The following CYP4F3 variants were observed in gnomAD, a reference collection of about 807,000 sequenced individuals.
CYP4F3 encodes cytochrome P450 family 4 subfamily F member 3.
A neutral mutation model predicts 54.8 loss-of-function variants in CYP4F3; 50 were observed. The ratio of observed to expected loss-of-function variants is 0.91; its 90% confidence interval spans 0.73 to 1.16. The LOEUF (loss-of-function observed/expected upper bound fraction) is 1.16. CYP4F3 is among the 50% of genes most tolerant of loss of function. The probability of loss-of-function intolerance (pLI) is 0.00; values close to 1 mark genes in which losing one functional copy is unlikely to be tolerated. For missense variants in CYP4F3, 715 were observed against 676.2 expected (o/e 1.06, Z -0.64); for synonymous variants, 244 against 262.6 (o/e 0.93, Z 0.69).
Position 15,662,535 on chromosome 19 carries a change from G to A in CYP4F3, c.*3150G>A, listed in dbSNP as rs920029420. ...TTTTTGGCTATTCTGCTTCCTTTGT[G>A]TTTCTATGTAAATTTTATCATCAGT... On this transcript the variant is annotated 3_prime_UTR_variant, in exon 13 of 13. Transcript: ENST00000221307. The A allele has an allele frequency of 1.7e-4, 26 of 151,882 alleles. No homozygotes were observed. The highest frequency in any genetic ancestry group is 5.6e-4 in the African/African-American group (23 of 41,316). 9.4% of individuals were successfully genotyped at this position (151,882 alleles called of 1,614,324 possible).
At chr19:15,652,058 T>TAGAG (rs28371482) in intron 7 of CYP4F3, among the ~76,000 whole-genome samples, 57 of 150,400 alleles carry the variant, frequency 3.8e-4, no homozygotes, top group Middle Eastern at 3.4e-3. Context: ...ACATTTTCTA[T>TAGAG]AGAGAGAGAG....
rs750182284 is a variant in CYP4F3 at position 15,643,925 on chromosome 19, G to A, written c.199-1794G>A. 581 of 1,599,378 alleles carry A rather than the reference G, an allele frequency of 3.6e-4. 1 individual carries two copies. Among genetic ancestry groups the A allele is most frequent in the Non-Finnish European group, 4.8e-4 (569 of 1,173,776 alleles). Reference sequence around the variant, plus strand: ...CTTGCAGGTCACCCCCACGGAGCAGGGCATGAGGGTCCTGACTCAGCTGGT... The same window carrying A: ...CTTGCAGGTCACCCCCACGGAGCAGAGCATGAGGGTCCTGACTCAGCTGGT... On this transcript the variant is annotated intron_variant, in intron 2 of 12. Transcript: ENST00000221307.
In CYP4F3 at chr19:15,649,289, C is replaced by T; in HGVS notation, c.647+8C>T. On this transcript the variant is annotated splice_region_variant and intron_variant, in intron 6 of 12. Coordinates refer to ENST00000221307, the MANE Select transcript of CYP4F3 (RefSeq NM_000896.3). ...TGACAGCCATTGCCAGGAGTAAGTT[C>T]TTGCCCAGGGTCTGGGATCCTGGGC... 3.1e-6 allele frequency: 5 copies of T among 1,612,668 alleles called. No individual in the cohort carries two copies. Among genetic ancestry groups the T allele is most frequent in the Non-Finnish European group, 4.2e-6 (5 of 1,179,040 alleles).
At chr19:15,658,601 A>C in intron 11 of CYP4F3, 46 bp downstream of exon 11, 5 of 1,612,398 alleles carry the variant, frequency 3.1e-6, no homozygotes, top group Non-Finnish European at 4.2e-6. Context: ...AGGCTCCTAG[A>C]GGAGGGGGCA....
In CYP4F3 at chr19:15,647,163, T is replaced by G. The variant is rs773928588; in HGVS notation, c.398-34T>G. ...AACCTGGGGGGCCAGGGGAGGGAGA[T>G]GCCCTTGCCCATGGCCCTTGGCTGC... On this transcript the variant is annotated intron_variant, in intron 4 of 12. Transcript: ENST00000221307. 5.3e-5 allele frequency: 86 copies of G among 1,614,070 alleles called. No individual in the cohort carries two copies. In the Admixed American group the frequency reaches 1.1e-3, roughly 21 times the overall value.
chr19:15,653,785 A>AGAGG (rs1972940523), intron 9 of CYP4F3, among the ~76,000 whole-genome samples: 1 of 133,498 alleles, frequency 7.5e-6, no homozygotes, highest in Non-Finnish European at 1.6e-5. Context: ...AGAGAGAGAG[A>AGAGG]GCAGGGTCAG....
intron 9 of CYP4F3, among the ~76,000 whole-genome samples, chr19:15,654,942 C>T (rs939893840): frequency 6.6e-6 from 1 of 152,092 alleles, no homozygotes; most frequent in South Asian, 2.1e-4. Flanking sequence ...CTTGAGGAAC[C>T]TCTGTGCTGT....
Position 15,658,284 on chromosome 19 carries a change from C to T in CYP4F3, c.1136C>T (p.Pro379Leu). The T allele has an allele frequency of 3.7e-6, 6 of 1,614,040 alleles. No homozygotes were observed. The highest frequency in any genetic ancestry group is 5.1e-6 in the Non-Finnish European group (6 of 1,179,980). Residue 379 changes from proline (P) to leucine (L), a missense_variant, in exon 10 of 13, where the codon CCC becomes CTC. Transcript: ENST00000221307. Reference sequence around the variant, plus strand: ...CTTAGGGACGACCTGGCCCAGCTGCCCTTCCTGACCATGTGCATTAAGGAG... The same window carrying T: ...CTTAGGGACGACCTGGCCCAGCTGCTCTTCCTGACCATGTGCATTAAGGAG... ...EIEWDDLAQL[P>L]FLTMCIKESL...
intron 9 of CYP4F3, among the ~76,000 whole-genome samples, chr19:15,656,410 T>C (rs1279899516): frequency 1.3e-5 from 2 of 152,150 alleles, no homozygotes; most frequent in Non-Finnish European, 2.9e-5. Context: ...TTGACAATCC[T>C]GCCACCTGAC....
At position 15,661,943 on chromosome 19, in the gene CYP4F3, T is replaced by G. The variant is rs547142515; in HGVS notation, c.*2558T>G. 1 of 152,218 alleles carries G rather than the reference T, an allele frequency of 6.6e-6. No individual in the cohort carries two copies. The highest frequency in any genetic ancestry group is 1.5e-5 in the Non-Finnish European group (1 of 68,004). The allele number at this position is 152,218 out of a possible 1,614,324, so 9.4% of individuals were successfully genotyped here. A position where few individuals can be genotyped will look rare whatever the true frequency, so the allele number is the denominator to read the frequency against. ...ACTGTGGTTTGACTGTTTTCTTGTATATGGATATCCAATTGTTTCACACAA... is the reference window on the plus strand; with the variant it reads ...ACTGTGGTTTGACTGTTTTCTTGTAGATGGATATCCAATTGTTTCACACAA... On this transcript the variant is annotated 3_prime_UTR_variant, in exon 13 of 13. Transcript: ENST00000221307.
intron 5 of CYP4F3, among the ~76,000 whole-genome samples, chr19:15,648,433 T>A (rs2144645633): frequency 6.6e-6 from 1 of 152,134 alleles, no homozygotes; most frequent in East Asian, 1.9e-4. Flanking sequence ...GTGTCCCTTA[T>A]CCTCAAAGTT....
In CYP4F3 at chr19:15,643,459, C is replaced by T. The variant is rs367576830; in HGVS notation, c.198+1846C>T. Among the ~76,000 whole-genome samples the T allele has an allele frequency of 6.1e-5, 9 of 148,746 alleles. No individual in the cohort carries two copies. In the East Asian group the frequency reaches 7.9e-4, roughly 13 times the overall value. On this transcript the variant is annotated intron_variant, in intron 2 of 12. Transcript: ENST00000221307. ...ATAGATAGATAGATAGATAGATAGA[C>T]AGACAGGCAGACAGACAGATAGATA...
At chr19:15,643,524 A>T (rs1343072771) in intron 2 of CYP4F3, among the ~76,000 whole-genome samples, 1 of 152,108 alleles carries the variant, frequency 6.6e-6, no homozygotes, top group Non-Finnish European at 1.5e-5. Flanking sequence ...GGCTCACAGG[A>T]TTATAGAAGC....
chr19:15,642,826 C>T (rs1046574559), intron 2 of CYP4F3, among the ~76,000 whole-genome samples: 87 of 150,548 alleles, frequency 5.8e-4, no homozygotes, highest in Non-Finnish European at 1.1e-3. Context: ...GGTAGATAGA[C>T]AGATAGATAG....
At position 15,658,357 on chromosome 19, in the gene CYP4F3, C is replaced by A. The variant is rs144931279; in HGVS notation, c.1209C>A (p.Thr403=). The change falls in exon 10 of 13, where the codon ACC becomes ACA. Residue 403 remains threonine (T), a synonymous_variant. Transcript: ENST00000221307. ...PPVPAVSRCC[T]QDIVLPDGRV... is the part of the protein sequence containing the mutation. Reference sequence around the variant, plus strand: ...TCCCTGCCGTCTCTCGCTGCTGCACCCAAGACATTGTGCTCCCAGACGGCC... The same window carrying A: ...TCCCTGCCGTCTCTCGCTGCTGCACACAAGACATTGTGCTCCCAGACGGCC... The A allele has an allele frequency of 6.2e-7, 1 of 1,614,152 alleles. No individual in the cohort carries two copies. The highest frequency in any genetic ancestry group is 1.3e-5 in the African/African-American group (1 of 75,024).
chr19:15,656,598 A>C (rs1568402416), intron 9 of CYP4F3, among the ~76,000 whole-genome samples: 2 of 137,912 alleles, frequency 1.5e-5, no homozygotes, highest in African/African-American at 5.1e-5. Context: ...TATCTCTATT[A>C]TCTGTCTATC....
intron 1 of CYP4F3, among the ~76,000 whole-genome samples, 157 bp downstream of exon 1, chr19:15,641,102 A>G (rs1972449033): frequency 6.6e-6 from 1 of 152,104 alleles, no homozygotes; most frequent in Non-Finnish European, 1.5e-5. Flanking sequence ...GGCTTGGAGG[A>G]TGAGTGGTTT....
chr19:15,651,034 C>A (rs984727861), intron 7 of CYP4F3, among the ~76,000 whole-genome samples: 1 of 151,238 alleles, frequency 6.6e-6, no homozygotes, highest in East Asian at 2.0e-4. Flanking sequence ...CGCCACCATG[C>A]CTGGCTAACT....
In CYP4F3 at chr19:15,660,207, T is replaced by A. The variant is rs933371496; in HGVS notation, c.*822T>A. 7.5e-6 allele frequency: 1 copy of A among 133,488 alleles called. No homozygotes were observed. Among genetic ancestry groups the A allele is most frequent in the African/African-American group, 3.2e-5 (1 of 31,640 alleles). 8.3% of individuals were successfully genotyped at this position (133,488 alleles called of 1,614,324 possible). On this transcript the variant is annotated 3_prime_UTR_variant, in exon 13 of 13. Coordinates refer to ENST00000221307, the MANE Select transcript of CYP4F3 (RefSeq NM_000896.3). ...AAAATATGTAATTTTAGAAAATAAT[T>A]TAAAAGGTTTTGTTTCAGTTTGTAA...
Sources: allele counts gnomAD v4.1 joint callset (sites outside exome capture counted in the v4.1 genomes callset), GRCh38; gene constraint gnomAD v4.1.1; transcripts MANE v1.5; gene names NCBI Gene and HGNC (gene_info 2026-07-23, HGNC 2026-07-21).